ADAM12: variants seen among roughly 807,000 people sequenced by gnomAD.
ADAM12 encodes the protein ADAM metallopeptidase domain 12.
ADAM12 carries 70 observed loss-of-function variants against 106.4 expected under a neutral mutation model. That is an observed-to-expected ratio of 0.66 (90% CI 0.54 to 0.80). The LOEUF is 0.80. Among genes scored for constraint, ADAM12 ranks in the 30% least tolerant of loss-of-function variants. The pLI, the probability that ADAM12 is intolerant of heterozygous loss-of-function variation, is 0.00. For missense variants in ADAM12, 1,010 were observed against 1,171.9 expected, an observed-to-expected ratio of 0.86 and a Z score of 2.02; for synonymous variants, 420 against 433.5, an observed-to-expected ratio of 0.97 and a Z score of 0.39.
Position 126,245,725 on chromosome 10 carries a change from G to T in ADAM12, c.260+33190C>A, listed in dbSNP as rs7072211. On this transcript the variant is annotated intron_variant, in intron 3 of 22. Transcript: ENST00000448723. ...GTTATCATGGGAGTCAGGGCAGGGG[G>T]CTCCTCAAGGGGAGCATGAACGGCA... Among the ~76,000 whole-genome samples, 1,126 of 152,286 alleles carry T rather than the reference G, an allele frequency of 7.4e-3. 15 individuals are homozygous for T. Among genetic ancestry groups the T allele is most frequent in the African/African-American group, 0.025 (1,029 of 41,576 alleles).
At chr10:126,115,422 G>A (rs757288006) in intron 6 of ADAM12, among the ~76,000 whole-genome samples, 7 of 152,140 alleles carry the variant, frequency 4.6e-5, no homozygotes, top group Non-Finnish European at 1.0e-4. Flanking sequence ...TCAGGATGGA[G>A]ACTCAAAAAT....
At chr10:126,189,522 C>G (rs1433131665) in intron 3 of ADAM12, among the ~76,000 whole-genome samples, 2 of 152,200 alleles carry the variant, frequency 1.3e-5, no homozygotes, top group African/African-American at 4.8e-5. Context: ...ACCACCAACT[C>G]TTAGGACTGT....
chr10:126,045,203 G>T (rs1013697215), intron 17 of ADAM12, among the ~76,000 whole-genome samples: 2 of 152,172 alleles, frequency 1.3e-5, no homozygotes, highest in African/African-American at 2.4e-5. Flanking sequence ...GACTGGACTT[G>T]ATCATCTCTT....
intron 17 of ADAM12, among the ~76,000 whole-genome samples, chr10:126,044,739 A>G (rs1456657880): frequency 6.6e-6 from 1 of 152,204 alleles, no homozygotes; most frequent in Non-Finnish European, 1.5e-5. Flanking sequence ...GACTGTCAAG[A>G]TAGGCTTTAA....
rs201288712 is a variant in ADAM12, at chr10:126,155,203, G to A, written c.339+24C>T. On this transcript the variant is annotated intron_variant, in intron 4 of 22. Coordinates refer to ENST00000448723, the MANE Select transcript of ADAM12 (RefSeq NM_001288973.2). ...ACAGATCCAGTGGTGTAAGATTATG[G>A]TGATCCCAACGTGCCAGAATTACCG... is the stretch of plus-strand genomic sequence containing the variant. The A allele has an allele frequency of 2.5e-6, 4 of 1,610,930 alleles. No homozygotes were observed. The East Asian group carries it at 6.7e-5, about 27-fold the overall frequency.
chr10:126,317,169 T>C (rs1853909274), intron 2 of ADAM12, among the ~76,000 whole-genome samples: 1 of 152,134 alleles, frequency 6.6e-6, no homozygotes, highest in South Asian at 2.1e-4. Context: ...ATTGAGCGAA[T>C]CCACCCACAG....
chr10:126,157,021 GTGTGT>G (rs148616557), intron 3 of ADAM12, among the ~76,000 whole-genome samples: 26,218 of 151,796 alleles, frequency 0.17, 2,897 homozygotes, highest in East Asian at 0.47. Flanking sequence ...TTGGTTTTGT[GTGTGT>G]GTGTGTGGGG....
chr10:126,058,237 G>A (rs1039296888), intron 14 of ADAM12, among the ~76,000 whole-genome samples: 42 of 152,372 alleles, frequency 2.8e-4, no homozygotes, highest in African/African-American at 9.9e-4. Context: ...CTGTGGGCAG[G>A]GATGCTGCCT....
intron 3 of ADAM12, among the ~76,000 whole-genome samples, chr10:126,158,362 C>T (rs139691168): frequency 0.049 from 1,739 of 35,282 alleles, 32 homozygotes; most frequent in South Asian, 0.094. Flanking sequence ...GAGGGATGCA[C>T]AGAGCATGGG....
At chr10:126,116,262 G>T (rs368120456) in intron 6 of ADAM12, among the ~76,000 whole-genome samples, 5 of 152,262 alleles carry the variant, frequency 3.3e-5, no homozygotes, top group African/African-American at 1.2e-4. Flanking sequence ...CTTGTAACGT[G>T]GGCAACGTGC....
chr10:126,235,873 A>G (rs1381575461), intron 3 of ADAM12, among the ~76,000 whole-genome samples: 1 of 152,194 alleles, frequency 6.6e-6, no homozygotes, highest in Non-Finnish European at 1.5e-5. Flanking sequence ...GGTGTGGGGT[A>G]CACAGGGATC....
intron 1 of ADAM12, among the ~76,000 whole-genome samples, chr10:126,367,794 G>T (rs1244174317): frequency 1.3e-5 from 2 of 151,872 alleles, no homozygotes. Flanking sequence ...AGATGACATG[G>T]ACGTATTTTT....
chr10:126,306,612 T>C lies in ADAM12; in HGVS notation c.186+23800A>G, dbSNP rs539184943. On this transcript the variant is annotated intron_variant, in intron 2 of 22. Coordinates refer to ENST00000448723, the MANE Select transcript of ADAM12 (RefSeq NM_001288973.2). ...TTTGGTTTTTAAATATCTTTATTTT[T>C]CCTCCATTTTTAAGAGAATTTTCTC... Among the ~76,000 whole-genome samples the C allele has an allele frequency of 1.1e-3, 161 of 152,294 alleles. 1 individual carries two copies. Among genetic ancestry groups the C allele is most frequent in the African/African-American group, 3.0e-3 (123 of 41,578 alleles).
intron 2 of ADAM12, among the ~76,000 whole-genome samples, chr10:126,297,690 C>T (rs1246160936): frequency 6.6e-6 from 1 of 152,128 alleles, no homozygotes; most frequent in Non-Finnish European, 1.5e-5. Flanking sequence ...CCACTAAAAA[C>T]AACTAGAAAA....
chr10:126,042,927 G>T, intron 18 of ADAM12, 113 bp downstream of exon 18: 1 of 1,001,580 alleles, frequency 1.0e-6, no homozygotes, highest in Non-Finnish European at 1.5e-6. Context: ...ACCCATGTGG[G>T]GTCCCCACTG....
At chr10:126,025,592 C>T (rs1015533305) in intron 21 of ADAM12, among the ~76,000 whole-genome samples, 2 of 152,030 alleles carry the variant, frequency 1.3e-5, no homozygotes, top group East Asian at 1.9e-4. Context: ...ACGGGCAGAA[C>T]AGAGCCCCCC....
Position 126,268,591 on chromosome 10 carries a change from A to C in ADAM12, c.260+10324T>G, listed in dbSNP as rs1242675501. Among the ~76,000 whole-genome samples the C allele has an allele frequency of 2.6e-5, 4 of 152,236 alleles. No homozygotes were observed. In the South Asian group the frequency reaches 8.3e-4, roughly 31 times the overall value. ...ACGTTGCAGCTCTTTGTCATCACTA[A>C]TGAACTGTGAAAACAATAGAAGTAA... On this transcript the variant is annotated intron_variant, in intron 3 of 22. Transcript: ENST00000448723.
intron 18 of ADAM12, among the ~76,000 whole-genome samples, chr10:126,039,934 A>G (rs1308031099): frequency 6.6e-6 from 1 of 152,252 alleles, no homozygotes; most frequent in East Asian, 1.9e-4. Context: ...ATCTCAAAGT[A>G]GATAGTGAAA....
Position 126,014,101 on chromosome 10 carries a change from G to A in ADAM12, c.*3178C>T, listed in dbSNP as rs1276584036. 1 of 152,426 alleles carries A rather than the reference G, an allele frequency of 6.6e-6. No individual in the cohort carries two copies. Among genetic ancestry groups the A allele is most frequent in the Non-Finnish European group, 1.5e-5 (1 of 68,292 alleles). 9.4% of individuals were successfully genotyped at this position (152,426 alleles called of 1,614,324 possible). On this transcript the variant is annotated 3_prime_UTR_variant, in exon 23 of 23. Transcript: ENST00000448723. ...TCACGAAGAAAGTCTGCAAGAGGTC[G>A]AGGTGCATGAGAAAGATCTGGCCCT...
Sources: gnomAD v4.1 joint callset for allele counts (sites outside exome capture counted in the v4.1 genomes callset) on GRCh38, gnomAD v4.1.1 for gene constraint, MANE v1.5 for transcripts, NCBI Gene and HGNC (gene_info 2026-07-23, HGNC 2026-07-21) for gene names.